TTLL5: variants seen among roughly 807,000 people sequenced by gnomAD.
TTLL5 encodes tubulin tyrosine ligase like 5.
TTLL5 carries 132 observed loss-of-function variants against 168.4 expected under a neutral mutation model. The ratio of observed to expected loss-of-function variants is 0.78; its 90% confidence interval spans 0.68 to 0.91. The LOEUF is 0.91. Ranked by LOEUF, TTLL5 falls within the 40% of genes least tolerant of loss-of-function variation. The pLI is 0.00. For missense variants in TTLL5, 1,545 were observed against 1,581.5 expected (o/e 0.98, Z 0.39); for synonymous variants, 546 against 558.6 (o/e 0.98, Z 0.32).
At chr14:75,695,785 C>CCCCTT (rs1885797406) in intron 6 of TTLL5, among the ~76,000 whole-genome samples, 5 of 149,908 alleles carry the variant, frequency 3.3e-5, no homozygotes, top group East Asian at 2.0e-4. Context: ...ATGGCTTTGA[C>CCCCTT]CCCTTCCCTT....
intron 29 of TTLL5, among the ~76,000 whole-genome samples, chr14:75,872,668 G>GCATA (rs1450736591): frequency 6.6e-6 from 1 of 152,138 alleles, no homozygotes; most frequent in African/African-American, 2.4e-5. Flanking sequence ...CCAGCACTAT[G>GCATA]GGAGGCTGAG....
intron 3 of TTLL5, among the ~76,000 whole-genome samples, chr14:75,677,642 G>A (rs1323170753): frequency 6.6e-6 from 1 of 151,566 alleles, no homozygotes; most frequent in Non-Finnish European, 1.5e-5. Flanking sequence ...TTAAGAGACA[G>A]GGTCTTGCTC....
At chr14:75,715,979 C>T (rs1887429545) in intron 9 of TTLL5, among the ~76,000 whole-genome samples, 1 of 152,080 alleles carries the variant, frequency 6.6e-6, no homozygotes, top group Non-Finnish European at 1.5e-5. Context: ...TTTTCTGAAG[C>T]AGAAGCTTTC....
chr14:75,739,234 A>T (rs1307941858), intron 15 of TTLL5, among the ~76,000 whole-genome samples: 5 of 152,064 alleles, frequency 3.3e-5, no homozygotes, highest in Non-Finnish European at 7.4e-5. Flanking sequence ...TTTAGTAGTA[A>T]TGTATCTGAA....
At chr14:75,871,594 C>T (rs2031041166) in intron 29 of TTLL5, among the ~76,000 whole-genome samples, 1 of 151,332 alleles carries the variant, frequency 6.6e-6, no homozygotes, top group Non-Finnish European at 1.5e-5. Context: ...TCAGTGTAAC[C>T]AATTAAGATT....
At chr14:75,731,844 G>A (rs999246671) in intron 12 of TTLL5, among the ~76,000 whole-genome samples, 1 of 152,072 alleles carries the variant, frequency 6.6e-6, no homozygotes. Flanking sequence ...GCAATATCTT[G>A]GTTTAAGAAA....
intron 18 of TTLL5, chr14:75,757,847 A>G: frequency 6.3e-7 from 1 of 1,593,066 alleles, no homozygotes; most frequent in Non-Finnish European, 8.5e-7. Context: ...CCCAAGAAGA[A>G]GCTTATTGAC....
At chr14:75,816,611 GCA>G (rs1329135861) in intron 27 of TTLL5, among the ~76,000 whole-genome samples, 1 of 152,152 alleles carries the variant, frequency 6.6e-6, no homozygotes, top group Non-Finnish European at 1.5e-5. Context: ...GGTAAAGTGT[GCA>G]CATTGTTTAT....
At chr14:75,842,514 T>C (rs750775759) in intron 28 of TTLL5, among the ~76,000 whole-genome samples, 1 of 152,172 alleles carries the variant, frequency 6.6e-6, no homozygotes, top group Non-Finnish European at 1.5e-5. Context: ...GCTGCTTAGG[T>C]CTTTTCTCTC....
intron 28 of TTLL5, among the ~76,000 whole-genome samples, chr14:75,824,206 G>A (rs1213706251): frequency 6.6e-6 from 1 of 152,162 alleles, no homozygotes; most frequent in Non-Finnish European, 1.5e-5. Flanking sequence ...ACTCTCTAGG[G>A]TATATCTTCC....
intron 31 of TTLL5, among the ~76,000 whole-genome samples, chr14:75,950,921 T>C (rs1485803425): frequency 6.6e-6 from 1 of 152,002 alleles, no homozygotes; most frequent in South Asian, 2.1e-4. Flanking sequence ...TAAGCTATGA[T>C]TATGCCACTG....
chr14:75,669,576 T>C (rs1883555452), intron 3 of TTLL5, 54 bp downstream of exon 3: 1 of 1,503,236 alleles, frequency 6.7e-7, no homozygotes, highest in Non-Finnish European at 9.1e-7. Context: ...CAGACGTCCT[T>C]GTCTTAAAGA....
In TTLL5 at chr14:75,776,828, C is replaced by T. The variant is rs778784486; in HGVS notation, c.2365C>T (p.Gln789Ter). 3.7e-6 allele frequency: 6 copies of T among 1,613,746 alleles called. No individual in the cohort carries two copies. Among genetic ancestry groups the T allele is most frequent in the Non-Finnish European group, 5.1e-6 (6 of 1,179,752 alleles). Residue 789 changes from glutamine to a stop codon, truncating the protein, a stop_gained, in exon 23 of 32, where the codon CAG becomes TAG. Transcript: ENST00000298832. LOFTEE classifies it high-confidence loss of function. ...EEDGVNMENF[Q>*]EFIRQASEAE... ...AGATGGGGTGAATATGGAAAACTTT[C>T]AGGAGTTCATCAGACAAGCAAGGTA... is the stretch of plus-strand genomic sequence containing the variant.
intron 3 of TTLL5, among the ~76,000 whole-genome samples, chr14:75,677,427 AC>A (rs1171363287): frequency 5.4e-5 from 6 of 110,740 alleles, no homozygotes; most frequent in Non-Finnish European, 6.8e-5. Context: ...ACAGGGTCTC[AC>A]CCTGTCACTC....
intron 28 of TTLL5, among the ~76,000 whole-genome samples, chr14:75,850,108 T>TA (rs1164286392): frequency 1.4e-3 from 206 of 142,334 alleles, no homozygotes; most frequent in Non-Finnish European, 1.7e-3. Context: ...AAAATAAAAA[T>TA]AAAAAAAAAA....
intron 10 of TTLL5, 132 bp downstream of exon 10, chr14:75,718,094 TCAGTCATATAA>T: frequency 1.3e-6 from 1 of 756,472 alleles, no homozygotes; most frequent in Non-Finnish European, 2.2e-6. Context: ...TGGAAATCTG[TCAGTCATATAA>T]CAGTGTTGAG....
At chr14:75,895,883 G>A (rs191407854) in intron 30 of TTLL5, among the ~76,000 whole-genome samples, 123 of 152,310 alleles carry the variant, frequency 8.1e-4, no homozygotes, top group African/African-American at 2.8e-3. Context: ...CTGGCATGTG[G>A]TAGGGGGTCA....
Position 75,746,230 on chromosome 14 carries a change from G to A in TTLL5, c.1487+649G>A, listed in dbSNP as rs551448598. ...GTGTTTTTCATATTCATATGTGTTGGTTTATGAAGAATAGTTCATTATTAT... is the reference window on the plus strand; with the variant it reads ...GTGTTTTTCATATTCATATGTGTTGATTTATGAAGAATAGTTCATTATTAT... On this transcript the variant is annotated intron_variant, in intron 17 of 31. Transcript: ENST00000298832. Among the ~76,000 whole-genome samples the A allele has an allele frequency of 2.0e-3, 310 of 152,152 alleles. 4 individuals are homozygous for A. Among genetic ancestry groups the A allele is most frequent in the Non-Finnish European group, 2.3e-3 (159 of 67,974 alleles).
At chr14:75,904,234 T>C (rs1474247432) in intron 31 of TTLL5, 5 of 1,197,722 alleles carry the variant, frequency 4.2e-6, no homozygotes, top group Non-Finnish European at 5.3e-6. Flanking sequence ...AAAAAAGAAT[T>C]ACTAGAACAT....
Sources: gnomAD v4.1 joint callset for allele counts (sites outside exome capture counted in the v4.1 genomes callset) on GRCh38, gnomAD v4.1.1 for gene constraint, MANE v1.5 for transcripts, NCBI Gene and HGNC (gene_info 2026-07-23, HGNC 2026-07-21) for gene names.